The following KCNQ2 variants were observed in gnomAD, a reference collection of about 807,000 sequenced individuals.
The protein encoded by KCNQ2 is potassium voltage-gated channel subfamily KQT member 2.
KCNQ2 carries 14 observed loss-of-function variants against 84.8 expected under a neutral mutation model. The ratio of observed to expected loss-of-function variants is 0.17; its 90% CI spans 0.11 to 0.26. The LOEUF (loss-of-function observed/expected upper bound fraction) is 0.26, where lower values mean the gene tolerates loss of function less well. Among genes scored for constraint, KCNQ2 ranks in the 10% least tolerant of loss-of-function variants. KCNQ2 has a pLI of 1.00. For missense variants in KCNQ2, 788 were observed against 1,254.0 expected, an observed-to-expected ratio of 0.63 and a Z score of 5.61; for synonymous variants, 599 against 554.1, an observed-to-expected ratio of 1.08 and a Z score of -1.14.
In KCNQ2 at chr20:63,406,952, T is replaced by C. The variant is rs2079959645; in HGVS notation, c.2311A>G (p.Thr771Ala). ...CCCTCGGGGGGCCTGCAGCCCGGGG[T>C]GTCCTCCTGCCGCAGGAACTCCATG... ...ASMEFLRQEDTPGCRPPEGNL... is the reference protein window; with the variant it reads ...ASMEFLRQEDAPGCRPPEGNL... Residue 771 changes from threonine (T) to alanine (A), a missense_variant, in exon 17 of 17, where the codon ACC becomes GCC. Transcript: ENST00000359125. The C allele has an allele frequency of 1.3e-6, 2 of 1,577,116 alleles. No individual in the cohort carries two copies. Among genetic ancestry groups the C allele is most frequent in the South Asian group, 1.1e-5 (1 of 87,828 alleles).
At position 63,429,451 on chromosome 20, in the gene KCNQ2, C is replaced by T. The variant is rs1257618480; in HGVS notation, c.1149-1016G>A. On this transcript the variant is annotated intron_variant, in intron 9 of 16. Coordinates refer to ENST00000359125, the MANE Select transcript of KCNQ2 (RefSeq NM_172107.4). ...GAGGCAGGACGGCCACCTCCCAGCC[C>T]AGCCCTCACCCAGCTGACTCCCTAC... is the stretch of plus-strand genomic sequence containing the variant. 4.6e-5 allele frequency among the ~76,000 whole-genome samples: 7 copies of T among 152,268 alleles called. No homozygotes were observed. The East Asian group carries it at 5.8e-4, about 13-fold the overall frequency.
chr20:63,415,501 G>A (rs1336783339), intron 12 of KCNQ2, among the ~76,000 whole-genome samples: 22 of 130,402 alleles, frequency 1.7e-4, no homozygotes, highest in African/African-American at 5.7e-4. Context: ...CACGGGGACC[G>A]AGCACCCGGC....
chr20:63,437,866 G>A (rs904836133), intron 7 of KCNQ2, among the ~76,000 whole-genome samples: 3 of 152,136 alleles, frequency 2.0e-5, no homozygotes, highest in African/African-American at 7.2e-5. Flanking sequence ...CTGGAGTGCT[G>A]TGGCGTGATC....
intron 1 of KCNQ2, among the ~76,000 whole-genome samples, chr20:63,469,400 A>G (rs1378288944): frequency 6.6e-6 from 1 of 152,212 alleles, no homozygotes; most frequent in African/African-American, 2.4e-5. Flanking sequence ...CGGCTCCCAC[A>G]GAGGAGCAAC....
chr20:63,406,550 T>C lies in KCNQ2; in HGVS notation c.*94A>G. 8 of 1,395,372 alleles carry C rather than the reference T, an allele frequency of 5.7e-6. No individual in the cohort carries two copies. The highest frequency in any genetic ancestry group is 2.6e-4 in the Middle Eastern group (1 of 3,890). The allele number at this position is 1,395,372 out of a possible 1,614,324, so 86.4% of individuals were successfully genotyped here. A position where few individuals can be genotyped will look rare whatever the true frequency, so the allele number is the denominator to read the frequency against. On this transcript the variant is annotated 3_prime_UTR_variant, in exon 17 of 17. Coordinates refer to ENST00000359125, the MANE Select transcript of KCNQ2 (RefSeq NM_172107.4). ...CACCCTTCCCGCCACACTCAGTTAC[T>C]GTAAGAAAAGGGCCCCAGAGGGTTC...
In KCNQ2 at chr20:63,472,273, GCGCCCGCGC is replaced by G; in HGVS notation, c.182_190del (p.Gly61_Gly63del). The G allele has an allele frequency of 6.5e-7, 1 of 1,537,798 alleles. No individual in the cohort carries two copies. Among genetic ancestry groups the G allele is most frequent in the Non-Finnish European group, 8.8e-7 (1 of 1,142,238 alleles). Reference sequence around the variant, plus strand: ...GGCGTTGCGCTTGGGGGGCTTCCCGGCGCCCGCGCCGCCCGCGCGAGGTTTGCTGAGGAT... The same window carrying G: ...GGCGTTGCGCTTGGGGGGCTTCCCGGCGCCCGCGCGAGGTTTGCTGAGGAT... On this transcript the variant is annotated inframe_deletion, in exon 1 of 17. Coordinates refer to ENST00000359125, the MANE Select transcript of KCNQ2 (RefSeq NM_172107.4).
At chr20:63,457,784 G>A (rs1326084682) in intron 1 of KCNQ2, among the ~76,000 whole-genome samples, 3 of 152,236 alleles carry the variant, frequency 2.0e-5, no homozygotes, top group Admixed American at 1.3e-4. Flanking sequence ...CCCCGGCCCA[G>A]AAAGAGGGGG....
At chr20:63,464,354 G>C (rs924240459) in intron 1 of KCNQ2, among the ~76,000 whole-genome samples, 11 of 151,834 alleles carry the variant, frequency 7.2e-5, no homozygotes, top group African/African-American at 2.7e-4. Flanking sequence ...CCGAGGCCTC[G>C]GGGCAGGTAC....
intron 1 of KCNQ2, among the ~76,000 whole-genome samples, chr20:63,454,873 A>C (rs1377011330): frequency 6.6e-6 from 1 of 152,218 alleles, no homozygotes; most frequent in Non-Finnish European, 1.5e-5. Context: ...ACACTCCCTG[A>C]GGGCCAGCTG....
Position 63,403,444 on chromosome 20 carries a change from G to C in KCNQ2, c.*3200C>G, listed in dbSNP as rs1601531759. ...TGCAGTGTGCTCTGTGCACTTGTGT[G>C]TGCTGTGTGGTCTGTGCACCTGTGT... is the stretch of plus-strand genomic sequence containing the variant. On this transcript the variant is annotated 3_prime_UTR_variant, in exon 17 of 17. Transcript: ENST00000359125. The C allele has an allele frequency of 6.6e-6, 1 of 152,316 alleles. No individual in the cohort carries two copies. Among genetic ancestry groups the C allele is most frequent in the South Asian group, 2.1e-4 (1 of 4,828 alleles). 9.4% of individuals were successfully genotyped at this position (152,316 alleles called of 1,614,324 possible).
rs749357916 is a variant in KCNQ2 at position 63,446,889 on chromosome 20, T to A, written c.297-52A>T. On this transcript the variant is annotated intron_variant, in intron 1 of 16. Coordinates refer to ENST00000359125, the MANE Select transcript of KCNQ2 (RefSeq NM_172107.4). The surrounding 1 kb of genome is among the most constrained non-coding windows in gnomAD (Gnocchi z 5.5). ...GACAGGCCGCAGCAGGGCAGCAGCATGGCTGTGTCTCCAGAACTCAGGACC... is the reference window on the plus strand; with the variant it reads ...GACAGGCCGCAGCAGGGCAGCAGCAAGGCTGTGTCTCCAGAACTCAGGACC... The A allele has an allele frequency of 5.3e-6, 8 of 1,506,504 alleles. No homozygotes were observed. The highest frequency in any genetic ancestry group is 1.7e-4 in the Middle Eastern group (1 of 5,852). The allele number at this position is 1,506,504 out of a possible 1,614,324, so 93.3% of individuals were successfully genotyped here.
intron 15 of KCNQ2, among the ~76,000 whole-genome samples, chr20:63,410,250 G>A (rs2080081856): frequency 6.6e-6 from 1 of 152,160 alleles, no homozygotes; most frequent in African/African-American, 2.4e-5. Context: ...GCCACATGAC[G>A]GGCCGCCCGC....
chr20:63,415,959 G>C (rs1281321075), intron 12 of KCNQ2, among the ~76,000 whole-genome samples: 3 of 152,184 alleles, frequency 2.0e-5, no homozygotes, highest in Admixed American at 1.3e-4. Flanking sequence ...GTGGACCCTT[G>C]TTCAGCCACA....
rs375283583 is a variant in KCNQ2 at position 63,442,707 on chromosome 20, T to C, written c.691-176A>G. Among the ~76,000 whole-genome samples, 9,245 of 35,042 alleles carry C rather than the reference T, an allele frequency of 0.26. 647 individuals are homozygous for C. The highest frequency in any genetic ancestry group is 0.33 in the Non-Finnish European group (6,372 of 19,594). 23.0% of individuals were successfully genotyped at this position (35,042 alleles called of 152,430 possible). Reference sequence around the variant, plus strand: ...ACCATCACCATCACCACCATCACCATCACCACCACCACCACCATCATCACC... The same window carrying C: ...ACCATCACCATCACCACCATCACCACCACCACCACCACCACCATCATCACC... On this transcript the variant is annotated intron_variant, in intron 4 of 16. Transcript: ENST00000359125.
chr20:63,454,202 C>A (rs541278870), intron 1 of KCNQ2, among the ~76,000 whole-genome samples: 84 of 152,340 alleles, frequency 5.5e-4, no homozygotes, highest in African/African-American at 2.0e-3. Context: ...CTCCTTCCAG[C>A]TCAGCTTCCG....
At chr20:63,457,946 C>A (rs1013503071) in intron 1 of KCNQ2, among the ~76,000 whole-genome samples, 1 of 152,196 alleles carries the variant, frequency 6.6e-6, no homozygotes, top group East Asian at 1.9e-4. Flanking sequence ...TCCCTGGAGA[C>A]GGAAGCTCCG....
At chr20:63,418,975 G>C (rs969421481) in intron 12 of KCNQ2, among the ~76,000 whole-genome samples, 1 of 152,234 alleles carries the variant, frequency 6.6e-6, no homozygotes, top group African/African-American at 2.4e-5. Context: ...CTGGCCAGGA[G>C]GGAGGGGCCC....
Position 63,415,400 on chromosome 20 carries a change from G to GA in KCNQ2, c.1302-275_1302-274insT, listed in dbSNP as rs541733900. ...GACCGAGCACCCGGCGGGAGGGAGG[G>GA]GGGGAGGCTACCGGGGCCGAGCACC... On this transcript the variant is annotated intron_variant, in intron 12 of 16. Transcript: ENST00000359125. 0.064 allele frequency among the ~76,000 whole-genome samples: 4,244 copies of GA among 66,548 alleles called. 924 individuals are homozygous for GA. The highest frequency in any genetic ancestry group is 0.46 in the East Asian group (625 of 1,356). The allele number at this position is 66,548 out of a possible 152,430, so 43.7% of individuals were successfully genotyped here.
intron 1 of KCNQ2, among the ~76,000 whole-genome samples, chr20:63,462,933 G>A (rs943138789): frequency 6.6e-6 from 1 of 152,200 alleles, no homozygotes; most frequent in Admixed American, 6.5e-5. Context: ...CACGCATGCA[G>A]AGAACGGCTC....
Sources: allele counts gnomAD v4.1 joint callset (sites outside exome capture counted in the v4.1 genomes callset), GRCh38; gene constraint gnomAD v4.1.1; non-coding constraint Gnocchi (gnomAD v3.1); transcripts MANE v1.5; gene names NCBI Gene and HGNC (gene_info 2026-07-23, HGNC 2026-07-21).